The following ANGPT1 variants were observed in gnomAD, a reference collection of about 807,000 sequenced individuals.
The protein encoded by ANGPT1 is angiopoietin-1.
ANGPT1 carries 17 observed loss-of-function variants against 62.2 expected under a neutral mutation model. That is an observed-to-expected ratio of 0.27 (90% CI 0.19 to 0.41). The LOEUF (loss-of-function observed/expected upper bound fraction) is 0.41, where lower values mean the gene tolerates loss of function less well. ANGPT1 is among the 10% of genes least tolerant of loss of function. The pLI is 1.00. For synonymous variants in ANGPT1, 199 were observed against 198.9 expected, an observed-to-expected ratio of 1.00 and a Z score of 0.00; for missense variants, 478 against 594.9, an observed-to-expected ratio of 0.80 and a Z score of 2.04.
At chr8:107,277,228 A>G (rs1813887904) in intron 7 of ANGPT1, among the ~76,000 whole-genome samples, 1 of 152,190 alleles carries the variant, frequency 6.6e-6, no homozygotes, top group Non-Finnish European at 1.5e-5. Context: ...AGACAACAAA[A>G]TAATGAACTG....
intron 1 of ANGPT1, among the ~76,000 whole-genome samples, chr8:107,354,074 T>C (rs1489884327): frequency 6.6e-6 from 1 of 152,128 alleles, no homozygotes; most frequent in Admixed American, 6.6e-5. Context: ...GGGACCACAT[T>C]CTTGTGGCTG....
At chr8:107,460,908 G>A (rs1812053713) in intron 1 of ANGPT1, among the ~76,000 whole-genome samples, 1 of 152,116 alleles carries the variant, frequency 6.6e-6, no homozygotes, top group South Asian at 2.1e-4. Flanking sequence ...CCTTTTGTTA[G>A]ATTTGGGGAG....
intron 1 of ANGPT1, among the ~76,000 whole-genome samples, chr8:107,419,268 T>C (rs529233468): frequency 1.2e-4 from 19 of 152,276 alleles, no homozygotes; most frequent in African/African-American, 4.6e-4. Context: ...CCTTCTCCCC[T>C]GAAGCAGGCT....
At chr8:107,252,383 A>T (rs1309446126) in intron 8 of ANGPT1, among the ~76,000 whole-genome samples, 6 of 152,204 alleles carry the variant, frequency 3.9e-5, no homozygotes, top group Non-Finnish European at 7.3e-5. Flanking sequence ...TACCCATAAG[A>T]GGCATTCCAT....
chr8:107,261,242 A>G (rs539083570), intron 8 of ANGPT1, among the ~76,000 whole-genome samples: 10 of 149,672 alleles, frequency 6.7e-5, no homozygotes, highest in Middle Eastern at 3.4e-3. Context: ...TCTATCAGGA[A>G]AAAGCTCAAG....
chr8:107,469,516 C>T (rs1812289986), intron 1 of ANGPT1, among the ~76,000 whole-genome samples: 1 of 151,976 alleles, frequency 6.6e-6, no homozygotes, highest in Non-Finnish European at 1.5e-5. Flanking sequence ...TTATGAACCA[C>T]AGCCTTTATA....
intron 1 of ANGPT1, among the ~76,000 whole-genome samples, chr8:107,444,416 G>T (rs1386445707): frequency 6.6e-6 from 1 of 152,152 alleles, no homozygotes; most frequent in Non-Finnish European, 1.5e-5. Flanking sequence ...TTCTGTTTAT[G>T]TCAGTTGGTC....
At chr8:107,267,294 A>G (rs1813635789) in intron 7 of ANGPT1, among the ~76,000 whole-genome samples, 1 of 152,176 alleles carries the variant, frequency 6.6e-6, no homozygotes. Flanking sequence ...CTCTAAAATC[A>G]TTTGGAAAAT....
intron 7 of ANGPT1, 23 bp from the exon 8 acceptor site, chr8:107,264,374 G>A (rs781415443): frequency 1.2e-6 from 2 of 1,608,296 alleles, no homozygotes; most frequent in African/African-American, 1.3e-5. Context: ...AGAAAAAAAA[G>A]AAAGATAAGC....
intron 1 of ANGPT1, among the ~76,000 whole-genome samples, chr8:107,385,934 A>T (rs766401048): frequency 8.5e-5 from 13 of 152,120 alleles, no homozygotes; most frequent in Non-Finnish European, 1.9e-4. Context: ...AATCACAATT[A>T]TTGATTTGCA....
intron 3 of ANGPT1, among the ~76,000 whole-genome samples, chr8:107,323,473 T>C (rs557166038): frequency 6.6e-6 from 1 of 152,192 alleles, no homozygotes; most frequent in Non-Finnish European, 1.5e-5. Context: ...TAGAGCATGT[T>C]TGAAGAGCCA....
At chr8:107,400,497 A>C (rs1438896532) in intron 1 of ANGPT1, among the ~76,000 whole-genome samples, 1 of 152,064 alleles carries the variant, frequency 6.6e-6, no homozygotes, top group Non-Finnish European at 1.5e-5. Context: ...AAACAGGAGG[A>C]GTCCAATCAC....
At chr8:107,459,581 A>G (rs369167205) in intron 1 of ANGPT1, among the ~76,000 whole-genome samples, 139 of 152,282 alleles carry the variant, frequency 9.1e-4, no homozygotes, top group African/African-American at 3.3e-3. Context: ...AGGAATGCAT[A>G]ATACCCTATA....
At chr8:107,328,514 T>G (rs1456834345) in intron 3 of ANGPT1, among the ~76,000 whole-genome samples, 1 of 151,936 alleles carries the variant, frequency 6.6e-6, no homozygotes, top group African/African-American at 2.4e-5. Context: ...ATGTTTCTAT[T>G]AAAAAATAAG....
intron 2 of ANGPT1, among the ~76,000 whole-genome samples, chr8:107,345,006 G>A (rs1056870782): frequency 2.0e-5 from 3 of 152,044 alleles, no homozygotes; most frequent in African/African-American, 7.2e-5. Context: ...CATATAACAG[G>A]TTCGAAGCAT....
intron 6 of ANGPT1, among the ~76,000 whole-genome samples, chr8:107,289,849 G>T (rs1436314368): frequency 6.6e-6 from 1 of 152,034 alleles, no homozygotes; most frequent in Non-Finnish European, 1.5e-5. Context: ...GCCATTTTGG[G>T]TACTATCTGG....
At chr8:107,367,452 G>T (rs1374949201) in intron 1 of ANGPT1, among the ~76,000 whole-genome samples, 2 of 152,138 alleles carry the variant, frequency 1.3e-5, no homozygotes, top group African/African-American at 2.4e-5. Context: ...ATTGCTAAAG[G>T]TTGGAGTGGC....
intron 1 of ANGPT1, among the ~76,000 whole-genome samples, chr8:107,360,827 C>T (rs1052653967): frequency 5.9e-5 from 9 of 152,144 alleles, no homozygotes; most frequent in South Asian, 2.1e-4. Flanking sequence ...ACCACTCTCA[C>T]GCTTAGAAAT....
At chr8:107,404,511 T>C (rs1339946062) in intron 1 of ANGPT1, among the ~76,000 whole-genome samples, 2 of 152,122 alleles carry the variant, frequency 1.3e-5, no homozygotes, top group African/African-American at 4.8e-5. Context: ...AAAGATCATA[T>C]GTATTGGACA....
Sources: allele counts gnomAD v4.1 joint callset (sites outside exome capture counted in the v4.1 genomes callset), GRCh38; gene constraint gnomAD v4.1.1; transcripts MANE v1.5; gene names NCBI Gene and HGNC (gene_info 2026-07-23, HGNC 2026-07-21).